NMNAT3: variants seen among roughly 807,000 people sequenced by gnomAD.
NMNAT3 encodes nicotinamide nucleotide adenylyltransferase 3.
In NMNAT3, 21 loss-of-function variants were observed where a neutral mutation model predicts 24.8. That is an observed-to-expected ratio of 0.85 (90% CI 0.60 to 1.22). The LOEUF is 1.22. Ranked by LOEUF, NMNAT3 falls within the 50% of genes most tolerant of loss-of-function variation. NMNAT3 has a pLI of 0.00. For synonymous variants in NMNAT3, 136 were observed against 155.2 expected (o/e 0.88, Z 0.92); for missense variants, 387 against 436.6 (o/e 0.89, Z 1.01).
chr3:139,677,546 C>A (rs1294114987), intron 1 of NMNAT3, among the ~76,000 whole-genome samples, 159 bp downstream of exon 1: 1 of 152,234 alleles, frequency 6.6e-6, no homozygotes, highest in Non-Finnish European at 1.5e-5. Context: ...AGCTGTCCCC[C>A]CGGTTCGCGC....
At chr3:139,562,359 T>C (rs1390426594) in intron 6 of NMNAT3, among the ~76,000 whole-genome samples, 1 of 152,220 alleles carries the variant, frequency 6.6e-6, no homozygotes, top group African/African-American at 2.4e-5. Context: ...CTGATTTTCC[T>C]GGCACTATCC....
intron 6 of NMNAT3, chr3:139,572,175 C>T: frequency 2.5e-6 from 1 of 398,726 alleles, no homozygotes; most frequent in East Asian, 3.6e-5. Context: ...TCAGCCTGAG[C>T]CCAGAGTCTG....
intron 3 of NMNAT3, among the ~76,000 whole-genome samples, chr3:139,586,789 C>T (rs2053958048): frequency 6.6e-6 from 1 of 152,112 alleles, no homozygotes; most frequent in Admixed American, 6.5e-5. Context: ...CTAAAGCCCA[C>T]AGAGCAGTAA....
intron 1 of NMNAT3, among the ~76,000 whole-genome samples, chr3:139,648,270 ATGAT>A (rs1172544279): frequency 6.6e-6 from 1 of 152,170 alleles, no homozygotes; most frequent in African/African-American, 2.4e-5. Context: ...GCCTTCTGCC[ATGAT>A]TGTAAGTTTC....
At chr3:139,620,439 TG>T (rs766182625) in intron 3 of NMNAT3, among the ~76,000 whole-genome samples, 3 of 152,316 alleles carry the variant, frequency 2.0e-5, no homozygotes, top group Non-Finnish European at 4.4e-5. Context: ...ATACTCTTTT[TG>T]GTCTGACTTT....
At chr3:139,620,461 C>T (rs1011513124) in intron 3 of NMNAT3, among the ~76,000 whole-genome samples, 1 of 152,068 alleles carries the variant, frequency 6.6e-6, no homozygotes, top group African/African-American at 2.4e-5. Context: ...TTTCACTTAG[C>T]ATAATTATTT....
chr3:139,570,048 ACTCTTTTTC>A (rs911967436), intron 6 of NMNAT3: 14 of 151,718 alleles, frequency 9.2e-5, no homozygotes, highest in African/African-American at 3.4e-4. Context: ...GTTTCTTTTT[ACTCTTTTTC>A]CTCTAAACTT....
chr3:139,600,723 T>A (rs1389979428), intron 3 of NMNAT3, among the ~76,000 whole-genome samples: 1 of 152,174 alleles, frequency 6.6e-6, no homozygotes, highest in Non-Finnish European at 1.5e-5. Flanking sequence ...TTCCTTTCTC[T>A]GCAATCATCT....
chr3:139,677,673 G>T (rs2057978299), intron 1 of NMNAT3, 32 bp downstream of exon 1: 1 of 152,178 alleles, frequency 6.6e-6, no homozygotes, highest in African/African-American at 2.4e-5. Context: ...CCAGGTCCTA[G>T]TGGGCTGACG....
intron 6 of NMNAT3, chr3:139,566,078 A>G (rs1576495688): frequency 6.6e-6 from 1 of 151,808 alleles, no homozygotes. Flanking sequence ...ATGGTATCTC[A>G]TTGTGGTTTT....
intron 3 of NMNAT3, among the ~76,000 whole-genome samples, chr3:139,619,800 G>A (rs1036109302): frequency 6.6e-6 from 1 of 152,094 alleles, no homozygotes; most frequent in Admixed American, 6.6e-5. Context: ...TAACTTTAAC[G>A]TTATTCTGCT....
At chr3:139,631,852 T>C (rs6439868) in intron 2 of NMNAT3, among the ~76,000 whole-genome samples, 3,596 of 152,358 alleles carry the variant, frequency 0.024, 132 homozygotes, top group African/African-American at 0.08. Context: ...ACTTGTTACA[T>C]ATTTTATCAC....
At chr3:139,644,819 G>A (rs1471400832) in intron 1 of NMNAT3, among the ~76,000 whole-genome samples, 3 of 152,168 alleles carry the variant, frequency 2.0e-5, no homozygotes, top group Non-Finnish European at 4.4e-5. Context: ...ATTTAATGGT[G>A]TTCAACTTTT....
intron 1 of NMNAT3, among the ~76,000 whole-genome samples, chr3:139,667,776 T>C (rs2108446233): frequency 6.6e-6 from 1 of 152,348 alleles, no homozygotes; most frequent in South Asian, 2.1e-4. Context: ...GACAGAAGCT[T>C]TCTGACAAGC....
intron 3 of NMNAT3, among the ~76,000 whole-genome samples, chr3:139,610,100 G>C (rs1314317193): frequency 6.6e-6 from 1 of 152,114 alleles, no homozygotes; most frequent in South Asian, 2.1e-4. Flanking sequence ...ATGAGTAATG[G>C]TTCCCCATTT....
intron 2 of NMNAT3, among the ~76,000 whole-genome samples, chr3:139,634,203 A>G (rs180882195): frequency 1.3e-5 from 2 of 152,368 alleles, no homozygotes; most frequent in East Asian, 3.9e-4. Flanking sequence ...AAGTGCCGTC[A>G]CTGCAGATGT....
intron 6 of NMNAT3, among the ~76,000 whole-genome samples, chr3:139,571,634 A>C (rs1331696180): frequency 6.6e-6 from 1 of 152,182 alleles, no homozygotes; most frequent in Admixed American, 6.5e-5. Context: ...TAGCCCCTAG[A>C]AAAATGATTC....
intron 6 of NMNAT3, chr3:139,569,963 G>A (rs1302967862): frequency 3.9e-5 from 6 of 152,088 alleles, no homozygotes; most frequent in Non-Finnish European, 5.9e-5. Flanking sequence ...CATTCTCCCC[G>A]TCACTTTCAG....
At chr3:139,626,740 A>C (rs918962202) in intron 3 of NMNAT3, among the ~76,000 whole-genome samples, 6 of 152,140 alleles carry the variant, frequency 3.9e-5, no homozygotes, top group Non-Finnish European at 8.8e-5. Context: ...TTCTAAAATA[A>C]AGACATTTCC....
Sources: allele counts gnomAD v4.1 joint callset (sites outside exome capture counted in the v4.1 genomes callset), GRCh38; gene constraint gnomAD v4.1.1; transcripts MANE v1.5; gene names NCBI Gene and HGNC (gene_info 2026-07-23, HGNC 2026-07-21).